CNKSR3: variants seen among roughly 807,000 people sequenced by gnomAD.
CNKSR3 encodes the protein connector enhancer of kinase suppressor of ras 3.
Under a neutral mutation model 67.7 loss-of-function variants are expected in CNKSR3, and 36 were observed. The ratio of observed to expected loss-of-function variants is 0.53; its 90% CI spans 0.41 to 0.70. The LOEUF (loss-of-function observed/expected upper bound fraction) is 0.70. Among genes scored for constraint, CNKSR3 ranks in the 30% least tolerant of loss-of-function variants. CNKSR3 has a pLI of 0.00. For missense variants in CNKSR3, 630 were observed against 695.2 expected (o/e 0.91, Z 1.05); for synonymous variants, 281 against 271.4 (o/e 1.04, Z -0.35).
rs566237680 is a variant in CNKSR3 at position 154,433,667 on chromosome 6, A to T, written c.508-160T>A. On this transcript the variant is annotated intron_variant, in intron 4 of 12. Transcript: ENST00000607772. Reference sequence around the variant, plus strand: ...AGGACTGGGATGGGAATGAGAGGGCAGAGTGGGAACAGAGCTGACGTTTGC... The same window carrying T: ...AGGACTGGGATGGGAATGAGAGGGCTGAGTGGGAACAGAGCTGACGTTTGC... 15 of 618,984 alleles carry T rather than the reference A, an allele frequency of 2.4e-5. No homozygotes were observed. In the African/African-American group the frequency reaches 2.8e-4, roughly 11 times the overall value. 38.3% of individuals were successfully genotyped at this position (618,984 alleles called of 1,614,324 possible). A position where few individuals can be genotyped will look rare whatever the true frequency, so the allele number is the denominator to read the frequency against.
At chr6:154,423,506 C>T (rs1239723986) in intron 7 of CNKSR3, among the ~76,000 whole-genome samples, 2 of 152,174 alleles carry the variant, frequency 1.3e-5, no homozygotes, top group Admixed American at 1.3e-4. Flanking sequence ...GATCTGCCCA[C>T]CTCAGCCTCC....
intron 9 of CNKSR3, among the ~76,000 whole-genome samples, chr6:154,418,145 A>C (rs1275764061): frequency 1.3e-5 from 2 of 152,156 alleles, no homozygotes; most frequent in African/African-American, 4.8e-5. Flanking sequence ...AATGGCCCTC[A>C]GCTGACGGAG....
At chr6:154,503,110 T>C (rs1468402626) in intron 1 of CNKSR3, among the ~76,000 whole-genome samples, 1 of 152,202 alleles carries the variant, frequency 6.6e-6, no homozygotes, top group African/African-American at 2.4e-5. Flanking sequence ...AAATGACATT[T>C]GGTGTCATTT....
chr6:154,407,934 C>T (rs989623518), intron 12 of CNKSR3, among the ~76,000 whole-genome samples: 2 of 143,884 alleles, frequency 1.4e-5, no homozygotes, highest in Non-Finnish European at 3.0e-5. Flanking sequence ...TAAATAGGCG[C>T]TAGAGCCATA....
intron 1 of CNKSR3, among the ~76,000 whole-genome samples, chr6:154,458,998 G>T (rs1786018822): frequency 6.6e-6 from 1 of 150,444 alleles, no homozygotes; most frequent in Non-Finnish European, 1.5e-5. Context: ...AATGAAAAAG[G>T]AAATAAGCTG....
chr6:154,457,633 T>A lies in CNKSR3; in HGVS notation c.53-7375A>T, dbSNP rs561179141. Among the ~76,000 whole-genome samples the A allele has an allele frequency of 9.2e-5, 14 of 152,298 alleles. No individual in the cohort carries two copies. The South Asian group carries it at 1.2e-3, about 14-fold the overall frequency. Reference sequence around the variant, plus strand: ...TCTCTGCATTCTGTTCTGTCATTTGTCTCTGCAGAGTATCCCTTCACCATG... The same window carrying A: ...TCTCTGCATTCTGTTCTGTCATTTGACTCTGCAGAGTATCCCTTCACCATG... On this transcript the variant is annotated intron_variant, in intron 1 of 12. Transcript: ENST00000607772.
chr6:154,478,205 C>CCGA (rs984046568), intron 1 of CNKSR3: 3 of 153,176 alleles, frequency 2.0e-5, no homozygotes, highest in Non-Finnish European at 2.9e-5. Flanking sequence ...CTCCGCCCGT[C>CCGA]CTCCTCTTGC....
At chr6:154,505,790 G>A (rs544713710) in intron 1 of CNKSR3, among the ~76,000 whole-genome samples, 6 of 148,734 alleles carry the variant, frequency 4.0e-5, no homozygotes, top group African/African-American at 9.6e-5. Flanking sequence ...GTGAGCCACC[G>A]CGCCTGGCCA....
chr6:154,436,167 G>T (rs902401872), intron 4 of CNKSR3, among the ~76,000 whole-genome samples: 2 of 152,158 alleles, frequency 1.3e-5, no homozygotes, highest in Non-Finnish European at 2.9e-5. Flanking sequence ...TGCTTCCATG[G>T]CTTGCTTTCT....
In CNKSR3 at chr6:154,406,208, GA is replaced by G. The variant is rs1375210386; in HGVS notation, c.*145del. 6.8e-6 allele frequency: 5 copies of G among 730,026 alleles called. No homozygotes were observed. The highest frequency in any genetic ancestry group is 1.1e-5 in the Non-Finnish European group (5 of 451,626). The allele number at this position is 730,026 out of a possible 1,614,324, so 45.2% of individuals were successfully genotyped here. ...CCCATCCAATCCTGCAAACTTCCAA[GA>G]AGGGCAGTAGATAACTTTTCAAAAG... On this transcript the variant is annotated 3_prime_UTR_variant, in exon 13 of 13. Transcript: ENST00000607772.
chr6:154,433,494 G>A lies in CNKSR3; in HGVS notation c.521C>T (p.Ala174Val), dbSNP rs375809234. 44 of 1,589,164 alleles carry A rather than the reference G, an allele frequency of 2.8e-5. No homozygotes were observed. The highest frequency in any genetic ancestry group is 2.4e-4 in the Admixed American group (14 of 58,444). Residue 174 changes from alanine to valine, a missense_variant, in exon 5 of 13, where the codon GCG becomes GTG. Ala to Val is a moderately conservative substitution (Grantham distance 64, BLOSUM62 0). Around this residue, in one of 3 missense-constraint regions of CNKSR3, gnomAD observed 133 missense variants for 190.6 expected, o/e 0.70. Transcript: ENST00000607772. ...AGTTAAAACTTTATCCTCCATTTCC[G>A]CTACAAAGCAATCCTAAAGAAGGGG... The part of the protein sequence containing the change: ...TTTVQKDCFV[A>V]EMEDKVLTVV...
chr6:154,428,308 C>T (rs1665036512), intron 6 of CNKSR3, 121 bp from the exon 7 acceptor site: 1 of 668,188 alleles, frequency 1.5e-6, no homozygotes, highest in Non-Finnish European at 2.7e-6. Context: ...CATTTTTCAG[C>T]CTCCTGAAAC....
rs1355455088 is a variant in CNKSR3, at chr6:154,476,606, C to T, written c.53-26348G>A. 3.3e-5 allele frequency among the ~76,000 whole-genome samples: 5 copies of T among 152,136 alleles called. No homozygotes were observed. The South Asian group carries it at 6.2e-4, about 19-fold the overall frequency. On this transcript the variant is annotated intron_variant, in intron 1 of 12. Coordinates refer to ENST00000607772, the MANE Select transcript of CNKSR3 (RefSeq NM_173515.4). ...AGCCAGTGTGTGTTACTTGGAGCATCGGTTACCTAAAAGCCAAGGACAGTA... is the reference window on the plus strand; with the variant it reads ...AGCCAGTGTGTGTTACTTGGAGCATTGGTTACCTAAAAGCCAAGGACAGTA...
intron 12 of CNKSR3, among the ~76,000 whole-genome samples, chr6:154,409,542 C>G (rs933753617): frequency 5.3e-5 from 8 of 152,144 alleles, no homozygotes; most frequent in African/African-American, 1.9e-4. Flanking sequence ...ATAAAAGCAA[C>G]AAAATTTAGA....
chr6:154,499,353 C>T (rs1340297204), intron 1 of CNKSR3, among the ~76,000 whole-genome samples: 1 of 152,112 alleles, frequency 6.6e-6, no homozygotes, highest in East Asian at 1.9e-4. Flanking sequence ...CCTGATTCTC[C>T]CATTTTATCC....
intron 9 of CNKSR3, among the ~76,000 whole-genome samples, chr6:154,420,064 G>A (rs936021715): frequency 6.6e-5 from 10 of 151,632 alleles, no homozygotes; most frequent in African/African-American, 1.5e-4. Flanking sequence ...CCTGGGCAAC[G>A]AGAGTGAAAC....
chr6:154,475,971 G>A (rs542343652), intron 1 of CNKSR3, among the ~76,000 whole-genome samples: 6 of 152,166 alleles, frequency 3.9e-5, no homozygotes, highest in Admixed American at 6.5e-5. Context: ...AAGGCTTGGG[G>A]GTGTTGTTTT....
intron 1 of CNKSR3, among the ~76,000 whole-genome samples, chr6:154,464,195 G>A (rs1245178975): frequency 6.6e-6 from 1 of 152,170 alleles, no homozygotes; most frequent in Non-Finnish European, 1.5e-5. Flanking sequence ...ACCAGATCCT[G>A]GGTTGGCTCA....
rs138147314 is a variant in CNKSR3 at position 154,406,070 on chromosome 6, A to T, written c.*284T>A. The T allele has an allele frequency of 1.9e-3, 754 of 387,830 alleles. 4 individuals carry two copies. Among genetic ancestry groups the T allele is most frequent in the Middle Eastern group, 0.013 (18 of 1,360 alleles). The allele number at this position is 387,830 out of a possible 1,614,324, so 24.0% of individuals were successfully genotyped here. A position where few individuals can be genotyped will look rare whatever the true frequency, so the allele number is the denominator to read the frequency against. ...CATAACGTCTCTGGCCAGGACTGCG[A>T]TTTCTAGCGCGTGTCTTCACATTCT... On this transcript the variant is annotated 3_prime_UTR_variant, in exon 13 of 13. Transcript: ENST00000607772.
Sources: gnomAD v4.1 joint callset for allele counts (sites outside exome capture counted in the v4.1 genomes callset) on GRCh38, gnomAD v4.1.1 for gene constraint, gnomAD v4.1.1 regional missense constraint, MANE v1.5 for transcripts, NCBI Gene and HGNC (gene_info 2026-07-23, HGNC 2026-07-21) for gene names.